Variants in LDLRAD4 observed in about 807,000 individuals in gnomAD.
LDLRAD4 encodes the protein low-density lipoprotein receptor class A domain-containing protein 4.
In LDLRAD4, 5 loss-of-function variants were observed where a neutral mutation model predicts 17.0. The observed-to-expected ratio is 0.29, with a 90% CI of 0.15 to 0.62. LDLRAD4 has a LOEUF of 0.62. LDLRAD4 is among the 20% of genes least tolerant of loss of function. The pLI, the probability that LDLRAD4 is intolerant of heterozygous loss-of-function variation, is 0.84. For synonymous variants in LDLRAD4, 168 were observed against 171.8 expected (o/e 0.98, Z 0.17); for missense variants, 340 against 424.7 (o/e 0.80, Z 1.75).
intron 3 of LDLRAD4, among the ~76,000 whole-genome samples, chr18:13,574,614 G>C (rs370334726): frequency 1.1e-3 from 175 of 152,246 alleles, no homozygotes; most frequent in African/African-American, 4.0e-3. Context: ...GAGAGCCCCC[G>C]GCTTTGACGC....
intron 2 of LDLRAD4, among the ~76,000 whole-genome samples, chr18:13,401,781 G>A (rs1445397502): frequency 1.3e-5 from 2 of 152,222 alleles, no homozygotes; most frequent in African/African-American, 4.8e-5. Context: ...CCGCCTTGGG[G>A]ACTCTGAGGC....
intron 2 of LDLRAD4, among the ~76,000 whole-genome samples, chr18:13,415,775 C>A (rs1018725672): frequency 1.3e-5 from 2 of 152,196 alleles, no homozygotes; most frequent in Non-Finnish European, 2.9e-5. Context: ...GAGCCAGGGC[C>A]ACGCTGCCCG....
chr18:13,318,348 G>A (rs1304237420), intron 1 of LDLRAD4, among the ~76,000 whole-genome samples: 1 of 151,782 alleles, frequency 6.6e-6, no homozygotes, highest in Non-Finnish European at 1.5e-5. Context: ...TGCAACCTCC[G>A]CCTCCCGAGT....
intron 1 of LDLRAD4, among the ~76,000 whole-genome samples, chr18:13,351,886 C>T (rs2083056994): frequency 6.6e-6 from 1 of 152,178 alleles, no homozygotes; most frequent in Non-Finnish European, 1.5e-5. Flanking sequence ...CAAACCGAAT[C>T]CAGCAGCACA....
intron 1 of LDLRAD4, among the ~76,000 whole-genome samples, chr18:13,269,738 C>T (rs775510195): frequency 2.0e-5 from 3 of 152,190 alleles, no homozygotes; most frequent in Non-Finnish European, 4.4e-5. Context: ...GTGTTCTTTT[C>T]ATCTTGAATG....
intron 3 of LDLRAD4, among the ~76,000 whole-genome samples, chr18:13,525,473 G>A (rs1307994129): frequency 6.6e-6 from 1 of 152,254 alleles, no homozygotes; most frequent in Non-Finnish European, 1.5e-5. Flanking sequence ...GTCGGGATCT[G>A]CAGGAAAACG....
At chr18:13,293,012 G>A (rs559482756) in intron 1 of LDLRAD4, among the ~76,000 whole-genome samples, 84 of 152,244 alleles carry the variant, frequency 5.5e-4, no homozygotes, top group Non-Finnish European at 1.0e-3. Flanking sequence ...TGGGGCTCGA[G>A]CACCACGTCC....
chr18:13,302,043 C>G lies in LDLRAD4; in HGVS notation c.-383+23855C>G, dbSNP rs142406192. Among the ~76,000 whole-genome samples the G allele has an allele frequency of 4.6e-3, 708 of 152,342 alleles. 3 individuals carry two copies. Among genetic ancestry groups the G allele is most frequent in the African/African-American group, 0.016 (667 of 41,568 alleles). ...ATGTGATGATGTTTAGAAGCTGAAGCATTTGAATAAATCAGATGCTTTGCC... is the reference window on the plus strand; with the variant it reads ...ATGTGATGATGTTTAGAAGCTGAAGGATTTGAATAAATCAGATGCTTTGCC... On this transcript the variant is annotated intron_variant, in intron 1 of 5. Coordinates refer to ENST00000359446, the Ensembl canonical transcript of LDLRAD4.
intron 3 of LDLRAD4, among the ~76,000 whole-genome samples, chr18:13,578,665 A>G (rs764346857): frequency 2.9e-4 from 44 of 152,190 alleles, no homozygotes; most frequent in Non-Finnish European, 5.4e-4. Context: ...ACACAGCTGA[A>G]TAAGATGCTG....
At chr18:13,316,147 C>T (rs2146817228) in intron 1 of LDLRAD4, among the ~76,000 whole-genome samples, 1 of 152,242 alleles carries the variant, frequency 6.6e-6, no homozygotes, top group South Asian at 2.1e-4. Context: ...ACTTTACAAA[C>T]TCCAAACATG....
chr18:13,254,362 C>G (rs916090970), intron 1 of LDLRAD4, among the ~76,000 whole-genome samples: 4 of 152,188 alleles, frequency 2.6e-5, no homozygotes, highest in African/African-American at 9.7e-5. Flanking sequence ...GTGTTTTCAG[C>G]AGCAGTGACA....
At chr18:13,550,153 C>G (rs2094416637) in intron 3 of LDLRAD4, among the ~76,000 whole-genome samples, 1 of 152,136 alleles carries the variant, frequency 6.6e-6, no homozygotes. Flanking sequence ...AAACAGATTA[C>G]CACAACATGA....
chr18:13,509,761 A>G (rs556773595), intron 3 of LDLRAD4, among the ~76,000 whole-genome samples: 2 of 152,306 alleles, frequency 1.3e-5, no homozygotes, highest in African/African-American at 4.8e-5. Context: ...TCAATCAATG[A>G]GGCACTCTTC....
chr18:13,433,739 T>A (rs2090484522), intron 2 of LDLRAD4, among the ~76,000 whole-genome samples: 1 of 152,168 alleles, frequency 6.6e-6, no homozygotes, highest in African/African-American at 2.4e-5. Flanking sequence ...CAGAAAACCT[T>A]AAGATATTCC....
chr18:13,395,182 A>G (rs2086558974), intron 2 of LDLRAD4, among the ~76,000 whole-genome samples: 1 of 151,968 alleles, frequency 6.6e-6, no homozygotes, highest in African/African-American at 2.4e-5. Context: ...TAGGTTCTGT[A>G]TAAAGATTAA....
chr18:13,414,554 C>T (rs768886656), intron 2 of LDLRAD4, among the ~76,000 whole-genome samples: 3 of 152,256 alleles, frequency 2.0e-5, no homozygotes, highest in African/African-American at 4.8e-5. Flanking sequence ...ATGCTAAAGT[C>T]CCCCATTGTC....
At chr18:13,311,833 C>CT (rs34431463) in intron 1 of LDLRAD4, among the ~76,000 whole-genome samples, 64,407 of 139,042 alleles carry the variant, frequency 0.46, 17,731 homozygotes, top group Non-Finnish European at 0.62. Context: ...AAATCTGAAA[C>CT]TTTTTTTTTT....
intron 3 of LDLRAD4, among the ~76,000 whole-genome samples, chr18:13,497,949 TCTC>T (rs2093506940): frequency 6.6e-6 from 1 of 151,530 alleles, no homozygotes; most frequent in South Asian, 2.1e-4. Flanking sequence ...GGAGAATCCT[TCTC>T]GCCATACACG....
chr18:13,345,834 C>A (rs1302513325), intron 1 of LDLRAD4, among the ~76,000 whole-genome samples: 1 of 152,122 alleles, frequency 6.6e-6, no homozygotes, highest in East Asian at 1.9e-4. Flanking sequence ...GGAATGTATC[C>A]ATTTCTTCTA....
Sources: gnomAD v4.1 joint callset for allele counts (sites outside exome capture counted in the v4.1 genomes callset) on GRCh38, gnomAD v4.1.1 for gene constraint, MANE v1.5 for transcripts, NCBI Gene and HGNC (gene_info 2026-07-23, HGNC 2026-07-21) for gene names.